Variants in CSNK1G3 observed in about 807,000 individuals in gnomAD.
The protein encoded by CSNK1G3 is casein kinase I isoform gamma-3.
A neutral mutation model predicts 64.3 loss-of-function variants in CSNK1G3; 23 were observed. That is an observed-to-expected ratio of 0.36 (90% confidence interval 0.26 to 0.51). The LOEUF is 0.51. Among genes scored for constraint, CSNK1G3 ranks in the 20% least tolerant of loss-of-function variants. The pLI is 0.96. For missense variants in CSNK1G3, 357 were observed against 510.5 expected, an observed-to-expected ratio of 0.70 and a Z score of 2.90; for synonymous variants, 158 against 162.2, an observed-to-expected ratio of 0.97 and a Z score of 0.20.
intron 1 of CSNK1G3, among the ~76,000 whole-genome samples, chr5:123,526,146 T>C (rs1275528812): frequency 6.6e-6 from 1 of 152,024 alleles, no homozygotes; most frequent in African/African-American, 2.4e-5. Context: ...CAGGTGATAC[T>C]CCCATCTCAG....
chr5:123,523,473 A>G (rs1279088566), intron 1 of CSNK1G3, among the ~76,000 whole-genome samples: 4 of 152,142 alleles, frequency 2.6e-5, no homozygotes, highest in Non-Finnish European at 4.4e-5. Context: ...GATGAGTTCA[A>G]TATATTCAAT....
intron 2 of CSNK1G3, among the ~76,000 whole-genome samples, chr5:123,547,404 A>G (rs2150291566): frequency 6.6e-6 from 1 of 152,206 alleles, no homozygotes; most frequent in South Asian, 2.1e-4. Context: ...TTGTGTGAAT[A>G]CACACACATA....
exon 13 of CSNK1G3, chr5:123,616,926 C>G (rs1749547810): frequency 6.6e-6 from 1 of 151,978 alleles, no homozygotes; most frequent in South Asian, 2.1e-4. Context: ...GTTTTGCTTT[C>G]TTGAAATCCA....
Position 123,603,293 on chromosome 5 carries a change from T to C in CSNK1G3, c.1087-1431T>C, listed in dbSNP as rs1032450096. On this transcript the variant is annotated intron_variant, in intron 10 of 12. Coordinates refer to ENST00000345990, the Ensembl canonical transcript of CSNK1G3. ...TATTTTTTTTTTCCAAAAAGTTTAGTGATAAGGGAAAAGGAAGAAATAATA... is the reference window on the plus strand; with the variant it reads ...TATTTTTTTTTTCCAAAAAGTTTAGCGATAAGGGAAAAGGAAGAAATAATA... 2.0e-5 allele frequency among the ~76,000 whole-genome samples: 3 copies of C among 151,988 alleles called. No individual in the cohort carries two copies. The East Asian group carries it at 5.8e-4, about 29-fold the overall frequency.
intron 3 of CSNK1G3, among the ~76,000 whole-genome samples, chr5:123,555,793 A>G (rs746747535): frequency 6.6e-6 from 1 of 152,192 alleles, no homozygotes. Context: ...CAGTATTTTT[A>G]TCCTAAGGGG....
intron 3 of CSNK1G3, 62 bp from the exon 4 acceptor site, chr5:123,557,433 G>A (rs1784854470): frequency 8.9e-6 from 11 of 1,242,612 alleles, no homozygotes; most frequent in South Asian, 5.1e-5. Context: ...TATAACATTT[G>A]TGTTGGGACC....
At chr5:123,610,274 A>G (rs1469914755) in intron 12 of CSNK1G3, among the ~76,000 whole-genome samples, 1 of 152,182 alleles carries the variant, frequency 6.6e-6, no homozygotes, top group African/African-American at 2.4e-5. Flanking sequence ...CTTAAGGGGA[A>G]ATATTCTTTG....
intron 8 of CSNK1G3, among the ~76,000 whole-genome samples, chr5:123,589,999 T>C (rs1029877349): frequency 6.6e-6 from 1 of 152,154 alleles, no homozygotes; most frequent in Non-Finnish European, 1.5e-5. Flanking sequence ...CCAATACAGA[T>C]GCTTTCATAT....
At chr5:123,537,276 T>G (rs1175330220) in intron 1 of CSNK1G3, among the ~76,000 whole-genome samples, 1 of 152,170 alleles carries the variant, frequency 6.6e-6, no homozygotes, top group Non-Finnish European at 1.5e-5. Flanking sequence ...GTGAATCATG[T>G]CTTTTGCAGC....
At chr5:123,594,552 C>G (rs1793062758) in intron 10 of CSNK1G3, among the ~76,000 whole-genome samples, 1 of 152,218 alleles carries the variant, frequency 6.6e-6, no homozygotes, top group Admixed American at 6.5e-5. Flanking sequence ...GGGGACTAAG[C>G]AAGAGAGAAA....
intron 10 of CSNK1G3, chr5:123,595,081 C>T (rs756530831): frequency 1.9e-6 from 3 of 1,613,710 alleles, no homozygotes; most frequent in African/African-American, 2.7e-5. Context: ...GCAGGCAAAT[C>T]CCCACCATTT....
chr5:123,589,668 C>T (rs947985974), intron 8 of CSNK1G3, among the ~76,000 whole-genome samples: 8 of 152,060 alleles, frequency 5.3e-5, no homozygotes, highest in Admixed American at 3.9e-4. Flanking sequence ...ACTAATTGCT[C>T]ACCATTTTGC....
intron 1 of CSNK1G3, among the ~76,000 whole-genome samples, chr5:123,518,564 C>G (rs1343158321): frequency 6.6e-6 from 1 of 152,190 alleles, no homozygotes; most frequent in Admixed American, 6.5e-5. Context: ...GTCTGTGTCT[C>G]TGGAAAAGCA....
intron 3 of CSNK1G3, among the ~76,000 whole-genome samples, chr5:123,553,577 T>C (rs575378886): frequency 1.3e-5 from 2 of 152,282 alleles, no homozygotes; most frequent in South Asian, 4.1e-4. Context: ...AATTGTTACT[T>C]CATATATATG....
chr5:123,517,585 T>G (rs1051121713), intron 1 of CSNK1G3, among the ~76,000 whole-genome samples: 2 of 151,990 alleles, frequency 1.3e-5, no homozygotes, highest in Non-Finnish European at 2.9e-5. Context: ...ATTTTTCACG[T>G]TTGTAAAATG....
chr5:123,608,282 A>G (rs1026340088), intron 12 of CSNK1G3, among the ~76,000 whole-genome samples: 4 of 152,100 alleles, frequency 2.6e-5, no homozygotes, highest in African/African-American at 7.2e-5. Context: ...TAGCATCCTC[A>G]TGTTTCCTGA....
chr5:123,569,378 G>T (rs116359180), intron 4 of CSNK1G3, among the ~76,000 whole-genome samples: 282 of 152,150 alleles, frequency 1.9e-3, no homozygotes, highest in African/African-American at 6.7e-3. Flanking sequence ...TTTCTTAAAG[G>T]TCAGTTACAA....
chr5:123,556,132 T>A (rs1367227768), intron 3 of CSNK1G3, among the ~76,000 whole-genome samples: 6 of 152,102 alleles, frequency 3.9e-5, no homozygotes, highest in Admixed American at 3.3e-4. Context: ...TGTACTATCC[T>A]GCCTCTCAAG....
At chr5:123,532,131 G>A (rs2150104081) in intron 1 of CSNK1G3, among the ~76,000 whole-genome samples, 1 of 151,846 alleles carries the variant, frequency 6.6e-6, no homozygotes, top group African/African-American at 2.4e-5. Context: ...TTAGCAACGG[G>A]TATAATTTTA....
Sources: gnomAD v4.1 joint callset for allele counts (sites outside exome capture counted in the v4.1 genomes callset) on GRCh38, gnomAD v4.1.1 for gene constraint, MANE v1.5 for transcripts, NCBI Gene and HGNC (gene_info 2026-07-23, HGNC 2026-07-21) for gene names.